The following PLGRKT variants were observed in gnomAD, a reference collection of about 807,000 sequenced individuals.
PLGRKT encodes the protein plasminogen receptor (KT).
In PLGRKT, 22 loss-of-function variants were observed where a neutral mutation model predicts 18.5. The observed-to-expected ratio is 1.19, with a 90% confidence interval of 0.85 to 1.70. The LOEUF is 1.70. Among genes scored for constraint, PLGRKT ranks in the 40% most tolerant of loss-of-function variants. The pLI, the probability that PLGRKT is intolerant of heterozygous loss-of-function variation, is 0.00. For missense variants in PLGRKT, 235 were observed against 174.4 expected, an observed-to-expected ratio of 1.35 and a Z score of -1.96; for synonymous variants, 72 against 52.8, an observed-to-expected ratio of 1.36 and a Z score of -1.58.
rs1358986465 is a variant in PLGRKT, at chr9:5,397,229, C to G, written c.81+34668G>C. ...AGGAAATGAGCTCATGGACTTTCTT[C>G]CAGGTAAGATCAAAGAAGTCAGTGT... On this transcript the variant is annotated intron_variant, in intron 3 of 5. Coordinates refer to ENST00000223864, the MANE Select transcript of PLGRKT (RefSeq NM_018465.4). 4.6e-5 allele frequency among the ~76,000 whole-genome samples: 7 copies of G among 151,842 alleles called. No homozygotes were observed. The South Asian group carries it at 1.4e-3, about 31-fold the overall frequency.
intron 3 of PLGRKT, among the ~76,000 whole-genome samples, chr9:5,411,913 A>G (rs147719945): frequency 2.0e-5 from 3 of 152,332 alleles, no homozygotes; most frequent in South Asian, 2.1e-4. Context: ...TACAATCCCA[A>G]TGAAAAATAT....
intron 3 of PLGRKT, among the ~76,000 whole-genome samples, chr9:5,404,252 G>C (rs1414108458): frequency 6.6e-6 from 1 of 152,084 alleles, no homozygotes; most frequent in African/African-American, 2.4e-5. Flanking sequence ...TGAAAAGGAG[G>C]GACCCCTCCC....
intron 3 of PLGRKT, 27 bp downstream of exon 3, chr9:5,431,870 T>C: frequency 9.0e-7 from 1 of 1,106,002 alleles, no homozygotes; most frequent in Non-Finnish European, 1.4e-6. Context: ...TGTAACAACA[T>C]AATAGCTTAA....
At chr9:5,419,047 T>A (rs1818521075) in intron 3 of PLGRKT, 2 of 408,420 alleles carry the variant, frequency 4.9e-6, no homozygotes, top group Non-Finnish European at 9.4e-6. Context: ...GCCGCCGCTC[T>A]GCGTCTTTCC....
chr9:5,374,516 C>T (rs1192039187), intron 3 of PLGRKT, among the ~76,000 whole-genome samples: 1 of 152,188 alleles, frequency 6.6e-6, no homozygotes, highest in Non-Finnish European at 1.5e-5. Flanking sequence ...TCACTGAGGC[C>T]ACACATGCTC....
chr9:5,373,151 G>A (rs1173484450), intron 3 of PLGRKT, among the ~76,000 whole-genome samples: 1 of 152,148 alleles, frequency 6.6e-6, no homozygotes, highest in African/African-American at 2.4e-5. Flanking sequence ...TTGATCTGGG[G>A]TATAGACTGA....
At chr9:5,409,263 G>A (rs1220668521) in intron 3 of PLGRKT, among the ~76,000 whole-genome samples, 1 of 151,554 alleles carries the variant, frequency 6.6e-6, no homozygotes, top group Non-Finnish European at 1.5e-5. Flanking sequence ...TTAAGTCAGT[G>A]GGTTGGGGAA....
intron 3 of PLGRKT, among the ~76,000 whole-genome samples, chr9:5,425,124 C>T (rs1818671279): frequency 6.6e-6 from 1 of 152,162 alleles, no homozygotes; most frequent in Non-Finnish European, 1.5e-5. Context: ...GCTTTGCCTA[C>T]ATAGCACTGC....
At chr9:5,438,332 G>C (rs1819002964), upstream of PLGRKT, among the ~76,000 whole-genome samples, 1 of 152,216 alleles carries the variant, frequency 6.6e-6, no homozygotes. Context: ...CAGCCTGAGA[G>C]AATGCTTGAA....
chr9:5,419,588 A>C (rs906636012), intron 3 of PLGRKT, among the ~76,000 whole-genome samples: 1 of 152,228 alleles, frequency 6.6e-6, no homozygotes, highest in African/African-American at 2.4e-5. Context: ...CAGATATACA[A>C]ATGGCCATTA....
intron 3 of PLGRKT, among the ~76,000 whole-genome samples, chr9:5,393,949 T>C (rs1817996099): frequency 6.6e-6 from 1 of 151,834 alleles, no homozygotes; most frequent in Admixed American, 6.6e-5. Flanking sequence ...TTTTTGACCA[T>C]CTGGGAAGAA....
intron 3 of PLGRKT, among the ~76,000 whole-genome samples, chr9:5,417,856 A>G (rs1818493800): frequency 6.6e-6 from 1 of 152,208 alleles, no homozygotes; most frequent in Non-Finnish European, 1.5e-5. Flanking sequence ...TTCAAAATGT[A>G]TAAAAAGCCT....
intron 3 of PLGRKT, among the ~76,000 whole-genome samples, chr9:5,377,501 AT>A (rs1270959491): frequency 6.6e-6 from 1 of 152,170 alleles, no homozygotes; most frequent in Non-Finnish European, 1.5e-5. Context: ...AGCTAACAAT[AT>A]TTTTTAAAAG....
intron 3 of PLGRKT, among the ~76,000 whole-genome samples, chr9:5,384,944 G>C (rs966881632): frequency 5.3e-5 from 8 of 152,092 alleles, no homozygotes; most frequent in African/African-American, 1.9e-4. Flanking sequence ...CTGATATTTG[G>C]TATTGCTTAC....
intron 3 of PLGRKT, among the ~76,000 whole-genome samples, chr9:5,429,105 C>T (rs1410075719): frequency 1.3e-5 from 2 of 152,112 alleles, no homozygotes; most frequent in Non-Finnish European, 2.9e-5. Flanking sequence ...CCTTTATAGC[C>T]AATTCAAGAT....
At chr9:5,406,944 T>C (rs1818268750) in intron 3 of PLGRKT, among the ~76,000 whole-genome samples, 1 of 152,232 alleles carries the variant, frequency 6.6e-6, no homozygotes, top group Non-Finnish European at 1.5e-5. Context: ...GTTGCAGCTC[T>C]CACTGTGCTT....
intron 5 of PLGRKT, among the ~76,000 whole-genome samples, chr9:5,359,423 T>A (rs1413561799): frequency 6.6e-6 from 1 of 152,184 alleles, no homozygotes; most frequent in Non-Finnish European, 1.5e-5. Context: ...TAAGAGCATT[T>A]CAATCATCTG....
In PLGRKT at chr9:5,396,943, G is replaced by C. The variant is rs979245058; in HGVS notation, c.81+34954C>G. Among the ~76,000 whole-genome samples the C allele has an allele frequency of 2.4e-4, 36 of 151,952 alleles. 1 individual carries two copies. The highest frequency in any genetic ancestry group is 8.5e-4 in the African/African-American group (35 of 41,222). On this transcript the variant is annotated intron_variant, in intron 3 of 5. Transcript: ENST00000223864. ...ATGATTCTCATCTTAAAATTATACA[G>C]TTCAATGTGATTCATACTTCACAGT... is the stretch of plus-strand genomic sequence containing the variant.
chr9:5,426,582 A>C (rs2131169684), intron 3 of PLGRKT, among the ~76,000 whole-genome samples: 1 of 152,314 alleles, frequency 6.6e-6, no homozygotes, highest in East Asian at 1.9e-4. Context: ...GAAATAAATA[A>C]TAAAGTGTAT....
Sources: gnomAD v4.1 joint callset for allele counts (sites outside exome capture counted in the v4.1 genomes callset) on GRCh38, gnomAD v4.1.1 for gene constraint, MANE v1.5 for transcripts, NCBI Gene and HGNC (gene_info 2026-07-23, HGNC 2026-07-21) for gene names.